PDGFD: variants seen among roughly 807,000 people sequenced by gnomAD.
The protein encoded by PDGFD is platelet-derived growth factor D.
A neutral mutation model predicts 44.7 loss-of-function variants in PDGFD; 30 were observed. That is an observed-to-expected ratio of 0.67 (90% CI 0.50 to 0.91). The LOEUF (loss-of-function observed/expected upper bound fraction) is 0.91, where lower values mean the gene tolerates loss of function less well. Ranked by LOEUF, PDGFD falls within the 40% of genes least tolerant of loss-of-function variation. The probability of loss-of-function intolerance (pLI) is 0.00; values close to 1 mark genes in which losing one functional copy is unlikely to be tolerated. For synonymous variants in PDGFD, 173 were observed against 168.4 expected, an observed-to-expected ratio of 1.03 and a Z score of -0.21; for missense variants, 445 against 457.8, an observed-to-expected ratio of 0.97 and a Z score of 0.25.
At chr11:103,996,818 A>G (rs999342781) in intron 2 of PDGFD, among the ~76,000 whole-genome samples, 1 of 152,216 alleles carries the variant, frequency 6.6e-6, no homozygotes, top group African/African-American at 2.4e-5. Context: ...GAAACTTATC[A>G]TGAAGGAAAG....
intron 5 of PDGFD, among the ~76,000 whole-genome samples, chr11:103,942,706 G>A (rs1858604979): frequency 6.6e-6 from 1 of 151,954 alleles, no homozygotes; most frequent in Admixed American, 6.6e-5. Context: ...GCTTTAACAG[G>A]GTTCTCTCCT....
At chr11:104,005,386 G>T (rs260864) in intron 1 of PDGFD, among the ~76,000 whole-genome samples, 75,383 of 151,850 alleles carry the variant, frequency 0.5, 19,238 homozygotes, top group Admixed American at 0.62. Context: ...CTTTGCTACG[G>T]GTAATTGTGT....
At chr11:104,020,737 C>T (rs1484296787) in intron 1 of PDGFD, among the ~76,000 whole-genome samples, 1 of 152,082 alleles carries the variant, frequency 6.6e-6, no homozygotes, top group African/African-American at 2.4e-5. Context: ...TTATTCCCTG[C>T]ATAGACCTAT....
chr11:104,083,446 C>T (rs1861076040), intron 1 of PDGFD, among the ~76,000 whole-genome samples: 1 of 152,146 alleles, frequency 6.6e-6, no homozygotes, highest in South Asian at 2.1e-4. Context: ...AGGAGGAAGT[C>T]TTCAGTATTT....
intron 1 of PDGFD, among the ~76,000 whole-genome samples, chr11:104,055,112 T>C (rs549486155): frequency 2.6e-5 from 4 of 152,234 alleles, no homozygotes; most frequent in Admixed American, 6.5e-5. Flanking sequence ...GCAAATTCCT[T>C]GGCAGGGACA....
chr11:103,994,546 T>C (rs1004204061), intron 3 of PDGFD, among the ~76,000 whole-genome samples: 2 of 152,196 alleles, frequency 1.3e-5, no homozygotes, highest in Non-Finnish European at 2.9e-5. Flanking sequence ...GTTTAATAAT[T>C]CACCATAATG....
At chr11:103,986,230 T>C (rs1859361117) in intron 3 of PDGFD, among the ~76,000 whole-genome samples, 1 of 152,126 alleles carries the variant, frequency 6.6e-6, no homozygotes, top group African/African-American at 2.4e-5. Context: ...AGGAGACGGG[T>C]CTCTGAAGTT....
intron 1 of PDGFD, among the ~76,000 whole-genome samples, chr11:104,070,481 T>G (rs964546398): frequency 4.6e-5 from 7 of 152,200 alleles, no homozygotes; most frequent in African/African-American, 1.7e-4. Flanking sequence ...AAGAATAGTT[T>G]CAGAATTGCT....
intron 1 of PDGFD, among the ~76,000 whole-genome samples, chr11:104,136,072 T>C (rs1235414422): frequency 6.6e-6 from 1 of 152,084 alleles, no homozygotes; most frequent in Non-Finnish European, 1.5e-5. Flanking sequence ...GAGAGGAGCA[T>C]TCCTAGCACA....
intron 3 of PDGFD, among the ~76,000 whole-genome samples, chr11:103,962,825 A>G (rs1049930080): frequency 6.6e-6 from 1 of 152,156 alleles, no homozygotes; most frequent in Non-Finnish European, 1.5e-5. Context: ...ACATGAAACT[A>G]TCTGGCTCAG....
intron 1 of PDGFD, among the ~76,000 whole-genome samples, chr11:104,034,058 T>C (rs1860176629): frequency 6.6e-6 from 1 of 152,216 alleles, no homozygotes; most frequent in Admixed American, 6.5e-5. Flanking sequence ...GTGTCTCCAC[T>C]CTGGCGCACC....
At chr11:104,105,061 A>C (rs1861453556) in intron 1 of PDGFD, among the ~76,000 whole-genome samples, 1 of 152,188 alleles carries the variant, frequency 6.6e-6, no homozygotes, top group South Asian at 2.1e-4. Context: ...TGTGTTAAGC[A>C]TTTTACAGAC....
At chr11:104,049,748 AG>A (rs540205396) in intron 1 of PDGFD, among the ~76,000 whole-genome samples, 1 of 152,138 alleles carries the variant, frequency 6.6e-6, no homozygotes, top group Non-Finnish European at 1.5e-5. Flanking sequence ...CATGAAGAAC[AG>A]GGGGGTCACC....
chr11:104,147,963 T>G (rs1862186738), intron 1 of PDGFD, among the ~76,000 whole-genome samples: 1 of 152,172 alleles, frequency 6.6e-6, no homozygotes, highest in African/African-American at 2.4e-5. Context: ...AACTCATAAA[T>G]GAAAAGAAGT....
chr11:104,081,035 A>C (rs1280496613), intron 1 of PDGFD, among the ~76,000 whole-genome samples: 2 of 152,232 alleles, frequency 1.3e-5, no homozygotes, highest in African/African-American at 2.4e-5. Context: ...CTATTTCATA[A>C]AACAATTAGT....
chr11:104,149,903 T>C (rs1291566207), intron 1 of PDGFD, among the ~76,000 whole-genome samples: 1 of 152,178 alleles, frequency 6.6e-6, no homozygotes, highest in Non-Finnish European at 1.5e-5. Context: ...GACTTTATTC[T>C]AGGACCTGCT....
chr11:104,073,878 T>A (rs1460433314), intron 1 of PDGFD, among the ~76,000 whole-genome samples: 1 of 152,228 alleles, frequency 6.6e-6, no homozygotes, highest in Admixed American at 6.5e-5. Context: ...CGAGTTATTT[T>A]TAATTGACAT....
chr11:104,095,329 AC>A (rs1861269341), intron 1 of PDGFD, among the ~76,000 whole-genome samples: 1 of 152,090 alleles, frequency 6.6e-6, no homozygotes, highest in South Asian at 2.1e-4. Flanking sequence ...CACAGTGCAC[AC>A]AATACACCTA....
chr11:104,124,341 A>G (rs2134465930), intron 1 of PDGFD, among the ~76,000 whole-genome samples: 1 of 152,204 alleles, frequency 6.6e-6, no homozygotes, highest in Middle Eastern at 3.4e-3. Flanking sequence ...GGACTTTCTT[A>G]ATATTGAGCC....
Sources: allele counts gnomAD v4.1 joint callset (sites outside exome capture counted in the v4.1 genomes callset), GRCh38; gene constraint gnomAD v4.1.1; transcripts MANE v1.5; gene names NCBI Gene and HGNC (gene_info 2026-07-23, HGNC 2026-07-21).